ANKS1B: variants seen among roughly 807,000 people sequenced by gnomAD.
The protein encoded by ANKS1B is ankyrin repeat and sterile alpha motif domain containing 1B.
Under a neutral mutation model 148.3 loss-of-function variants are expected in ANKS1B, and 36 were observed. The ratio of observed to expected loss-of-function variants is 0.24; its 90% CI spans 0.19 to 0.32. The LOEUF (loss-of-function observed/expected upper bound fraction) is 0.32. Among genes scored for constraint, ANKS1B ranks in the 10% least tolerant of loss-of-function variants. The probability of loss-of-function intolerance (pLI) is 1.00; values close to 1 mark genes in which losing one functional copy is unlikely to be tolerated. For missense variants in ANKS1B, 1,157 were observed against 1,542.6 expected (o/e 0.75, Z 4.19); for synonymous variants, 542 against 560.8 (o/e 0.97, Z 0.47).
At chr12:99,686,022 A>G (rs1280479374) in intron 8 of ANKS1B, among the ~76,000 whole-genome samples, 3 of 152,136 alleles carry the variant, frequency 2.0e-5, no homozygotes, top group Non-Finnish European at 4.4e-5. Flanking sequence ...TGCATTGGGT[A>G]CAGTGTACAC....
intron 14 of ANKS1B, among the ~76,000 whole-genome samples, chr12:99,160,613 G>T (rs1225695924): frequency 6.6e-6 from 1 of 151,608 alleles, no homozygotes; most frequent in African/African-American, 2.4e-5. Flanking sequence ...CTCCCAAAGT[G>T]CTGGGATTAC....
chr12:99,367,631 G>A (rs1048258598), intron 12 of ANKS1B, among the ~76,000 whole-genome samples: 1 of 152,058 alleles, frequency 6.6e-6, no homozygotes, highest in Admixed American at 6.6e-5. Context: ...TCCATCAATA[G>A]CAATAATGGA....
chr12:99,752,633 G>A (rs184606143), intron 8 of ANKS1B, among the ~76,000 whole-genome samples: 1 of 151,694 alleles, frequency 6.6e-6, no homozygotes, highest in Non-Finnish European at 1.5e-5. Flanking sequence ...TTTATGTTTT[G>A]TAGGATATTG....
chr12:99,465,400 C>A (rs1945770852), intron 10 of ANKS1B, among the ~76,000 whole-genome samples: 1 of 152,126 alleles, frequency 6.6e-6, no homozygotes, highest in Non-Finnish European at 1.5e-5. Flanking sequence ...AGCAAAATAA[C>A]CAGCTAACAT....
intron 17 of ANKS1B, among the ~76,000 whole-genome samples, chr12:98,936,956 T>G (rs1035780377): frequency 6.6e-6 from 1 of 152,204 alleles, no homozygotes; most frequent in East Asian, 1.9e-4. Context: ...TCTTAGTCCT[T>G]CCCCTGCTTT....
At position 99,832,378 on chromosome 12, in the gene ANKS1B, A is replaced by T. The variant is rs182864555; in HGVS notation, c.135-6989T>A. ...TGAGGCGGGCGGATCACCTGAGGTC[A>T]GGAGATCGAGACCAGCCTGTCCAAC... On this transcript the variant is annotated intron_variant, in intron 1 of 26. Coordinates refer to ENST00000683438, the MANE Select transcript of ANKS1B (RefSeq NM_001352186.2). Among the ~76,000 whole-genome samples, 27 of 152,222 alleles carry T rather than the reference A, an allele frequency of 1.8e-4. No individual in the cohort carries two copies. In the East Asian group the frequency reaches 5.0e-3, roughly 28 times the overall value.
intron 11 of ANKS1B, among the ~76,000 whole-genome samples, chr12:99,432,799 C>A (rs79221930): frequency 6.6e-6 from 1 of 152,058 alleles, no homozygotes; most frequent in Non-Finnish European, 1.5e-5. Flanking sequence ...TACAAAGAAC[C>A]TAAGGCAGGA....
chr12:99,603,046 A>C (rs1258140202), intron 9 of ANKS1B, among the ~76,000 whole-genome samples: 1 of 152,004 alleles, frequency 6.6e-6, no homozygotes, highest in East Asian at 1.9e-4. Flanking sequence ...AAAAATATTT[A>C]TTGACCATTT....
chr12:99,775,344 T>C (rs1222657335), intron 7 of ANKS1B, among the ~76,000 whole-genome samples: 2 of 152,116 alleles, frequency 1.3e-5, no homozygotes, highest in Non-Finnish European at 2.9e-5. Flanking sequence ...AAACATATAC[T>C]CCAGATAAAC....
At chr12:99,293,388 A>G (rs1284230869) in intron 12 of ANKS1B, among the ~76,000 whole-genome samples, 1 of 152,098 alleles carries the variant, frequency 6.6e-6, no homozygotes, top group East Asian at 1.9e-4. Context: ...ATTAGGAGAA[A>G]TACCTAATAT....
chr12:99,326,945 A>G (rs992718354), intron 12 of ANKS1B, among the ~76,000 whole-genome samples: 42 of 146,442 alleles, frequency 2.9e-4, no homozygotes, highest in Admixed American at 2.1e-3. Flanking sequence ...CAAATACTAT[A>G]TGAACATCAT....
intron 8 of ANKS1B, among the ~76,000 whole-genome samples, chr12:99,740,515 G>T (rs2059997150): frequency 6.6e-6 from 1 of 152,098 alleles, no homozygotes; most frequent in Non-Finnish European, 1.5e-5. Flanking sequence ...TCATATGAAA[G>T]CATAGGGTAA....
At chr12:98,839,691 A>G (rs2099395062) in intron 17 of ANKS1B, among the ~76,000 whole-genome samples, 1 of 152,114 alleles carries the variant, frequency 6.6e-6, no homozygotes, top group Non-Finnish European at 1.5e-5. Context: ...CACTTCTCCA[A>G]TCTTCTCTCC....
intron 13 of ANKS1B, among the ~76,000 whole-genome samples, chr12:99,245,659 T>A (rs1214826887): frequency 1.3e-5 from 2 of 152,228 alleles, no homozygotes; most frequent in African/African-American, 4.8e-5. Context: ...AGACAATATG[T>A]GATGTGTTAG....
chr12:99,657,061 TATAAAATACA>T (rs11279291), intron 8 of ANKS1B, among the ~76,000 whole-genome samples: 18,209 of 152,132 alleles, frequency 0.12, 1,716 homozygotes, highest in East Asian at 0.44. Flanking sequence ...AGTTGCTGTC[TATAAAATACA>T]ATAATAATAA....
At chr12:99,301,550 CTCAT>C (rs960548707) in intron 12 of ANKS1B, among the ~76,000 whole-genome samples, 8 of 152,082 alleles carry the variant, frequency 5.3e-5, no homozygotes, top group South Asian at 2.1e-4. Flanking sequence ...AATTTTACCA[CTCAT>C]TCATTCATTC....
At chr12:99,252,253 T>C (rs1306803620) in intron 12 of ANKS1B, among the ~76,000 whole-genome samples, 1 of 152,114 alleles carries the variant, frequency 6.6e-6, no homozygotes, top group Non-Finnish European at 1.5e-5. Flanking sequence ...GTGGCTATAA[T>C]AGAGTGGTAG....
chr12:99,936,842 T>C (rs895524696), intron 1 of ANKS1B, among the ~76,000 whole-genome samples: 2 of 152,202 alleles, frequency 1.3e-5, no homozygotes, highest in Non-Finnish European at 1.5e-5. Context: ...GCTTCCAACT[T>C]TGTTTTTGCA....
At chr12:99,483,528 G>T (rs1412151156) in intron 10 of ANKS1B, among the ~76,000 whole-genome samples, 1 of 151,888 alleles carries the variant, frequency 6.6e-6, no homozygotes, top group Non-Finnish European at 1.5e-5. Flanking sequence ...ATTTAGGAAG[G>T]ATTCCCTCTT....
Sources: gnomAD v4.1 joint callset for allele counts (sites outside exome capture counted in the v4.1 genomes callset) on GRCh38, gnomAD v4.1.1 for gene constraint, MANE v1.5 for transcripts, NCBI Gene and HGNC (gene_info 2026-07-23, HGNC 2026-07-21) for gene names.